RAP1GAP2: variants seen among roughly 807,000 people sequenced by gnomAD.
RAP1GAP2 encodes the protein rap1 GTPase-activating protein 2.
A neutral mutation model predicts 95.0 loss-of-function variants in RAP1GAP2; 27 were observed. That is an observed-to-expected ratio of 0.28 (90% confidence interval 0.21 to 0.39). The LOEUF (loss-of-function observed/expected upper bound fraction) is 0.39, where lower values mean the gene tolerates loss of function less well. Among genes scored for constraint, RAP1GAP2 ranks in the 10% least tolerant of loss-of-function variants. The probability of loss-of-function intolerance (pLI) is 1.00; values close to 1 mark genes in which losing one functional copy is unlikely to be tolerated. For synonymous variants in RAP1GAP2, 373 were observed against 380.9 expected, an observed-to-expected ratio of 0.98 and a Z score of 0.24; for missense variants, 771 against 970.0, an observed-to-expected ratio of 0.79 and a Z score of 2.72.
chr17:2,820,657 G>T (rs978397443), intron 2 of RAP1GAP2, among the ~76,000 whole-genome samples: 1 of 149,998 alleles, frequency 6.7e-6, no homozygotes, highest in Non-Finnish European at 1.5e-5. Flanking sequence ...TATTTTCACT[G>T]CTCCCAATTC....
chr17:2,839,688 C>T (rs1431771204), intron 2 of RAP1GAP2, among the ~76,000 whole-genome samples: 2 of 152,132 alleles, frequency 1.3e-5, no homozygotes, highest in Admixed American at 6.6e-5. Flanking sequence ...AGCTTTGAGG[C>T]GTGCTTGTCA....
intron 1 of RAP1GAP2, among the ~76,000 whole-genome samples, chr17:2,780,102 G>A (rs902646952): frequency 2.6e-5 from 4 of 152,178 alleles, no homozygotes; most frequent in Admixed American, 6.5e-5. Context: ...CCAGGCTGGA[G>A]TGCAGTGGCG....
At chr17:2,860,924 A>G (rs2072358305) in intron 2 of RAP1GAP2, among the ~76,000 whole-genome samples, 1 of 152,014 alleles carries the variant, frequency 6.6e-6, no homozygotes, top group South Asian at 2.1e-4. Flanking sequence ...GTTATACTTT[A>G]AATGAAATCC....
chr17:2,862,068 G>C (rs2072419541), intron 2 of RAP1GAP2, among the ~76,000 whole-genome samples: 1 of 152,136 alleles, frequency 6.6e-6, no homozygotes, highest in Admixed American at 6.6e-5. Context: ...AATTGCAAAT[G>C]ATCACTTGCC....
In RAP1GAP2 at chr17:2,965,542, T is replaced by C; in HGVS notation, c.495T>C (p.Asp165=). 6.2e-7 allele frequency: 1 copy of C among 1,609,114 alleles called. No individual in the cohort carries two copies. The highest frequency in any genetic ancestry group is 8.5e-7 in the Non-Finnish European group (1 of 1,177,660). ...TCACACTCAGTTTCTTTTTTTAGGA[T>C]CATCTAAACTTTTACTGTACCGGCA... The part of the protein sequence containing the change: ...RAYRRHFLGK[D]HLNFYCTGSS... Residue 165 remains aspartate, a splice_region_variant and synonymous_variant, in exon 8 of 25, where the codon GAT becomes GAC. Transcript: ENST00000254695. The surrounding 1 kb of genome is among the most constrained non-coding windows in gnomAD (Gnocchi z 4.7).
chr17:2,968,778 A>C (rs926045514), intron 8 of RAP1GAP2, among the ~76,000 whole-genome samples: 2 of 152,184 alleles, frequency 1.3e-5, no homozygotes, highest in Non-Finnish European at 2.9e-5. Flanking sequence ...AAACCTACAC[A>C]AATTGATCTA....
rs1051021795 is a variant in RAP1GAP2, at chr17:2,906,082, T to C, written c.165+714T>C. Among the ~76,000 whole-genome samples, 5 of 152,062 alleles carry C rather than the reference T, an allele frequency of 3.3e-5. No individual in the cohort carries two copies. The highest frequency in any genetic ancestry group is 1.2e-4 in the African/African-American group (5 of 41,422). ...TTTCTGCATAGGCTGGCATGCACGC[T>C]CTCCCTCCCTCCCTCCCTGCCTCCC... On this transcript the variant is annotated intron_variant, in intron 3 of 24. Coordinates refer to ENST00000254695, the MANE Select transcript of RAP1GAP2 (RefSeq NM_015085.5). This position sits in a 1 kb window ranked among gnomAD's most constrained non-coding sequence, Gnocchi z 4.3.
chr17:2,989,173 C>T (rs748994355), intron 11 of RAP1GAP2, among the ~76,000 whole-genome samples: 4 of 152,086 alleles, frequency 2.6e-5, no homozygotes, highest in Non-Finnish European at 5.9e-5. Context: ...TATAACCTGC[C>T]AGCATTTGGT....
chr17:3,031,899 C>T (rs541622959), intron 23 of RAP1GAP2, among the ~76,000 whole-genome samples: 26 of 147,952 alleles, frequency 1.8e-4, no homozygotes, highest in African/African-American at 5.0e-4. Flanking sequence ...TCCTGGGTCC[C>T]GAATCCCTTC....
intron 1 of RAP1GAP2, among the ~76,000 whole-genome samples, chr17:2,785,350 C>T (rs1470652003): frequency 6.6e-6 from 1 of 151,892 alleles, no homozygotes; most frequent in Admixed American, 6.6e-5. Context: ...GCCCTCCTGC[C>T]CCCACCTTGC....
At chr17:2,980,225 G>A (rs1183590469) in intron 8 of RAP1GAP2, 62 bp from the exon 9 acceptor site, 17 of 1,535,640 alleles carry the variant, frequency 1.1e-5, no homozygotes, top group Admixed American at 8.6e-5. Context: ...TGACAGGCAC[G>A]AGTCCCCGCG....
chr17:2,815,152 CTG>C (rs2069951032), intron 2 of RAP1GAP2, among the ~76,000 whole-genome samples: 2 of 152,146 alleles, frequency 1.3e-5, no homozygotes, highest in African/African-American at 4.8e-5. Context: ...CCCAGGAAAC[CTG>C]TGTGTTACCA....
chr17:2,800,329 C>CTCTCCCAGCTCT, intron 1 of RAP1GAP2, 186 bp from the exon 2 acceptor site: 1 of 790,058 alleles, frequency 1.3e-6, no homozygotes, highest in Non-Finnish European at 1.5e-6. Context: ...TGGTGTGTGG[C>CTCTCCCAGCTCT]CCCAGCTCTC....
chr17:2,791,078 G>A (rs2068912421), intron 1 of RAP1GAP2, among the ~76,000 whole-genome samples: 1 of 152,248 alleles, frequency 6.6e-6, no homozygotes, highest in Non-Finnish European at 1.5e-5. Context: ...GGTGGCAGGT[G>A]CCTGTAATCC....
At chr17:2,769,279 G>A (rs1470712192) in intron 1 of RAP1GAP2, among the ~76,000 whole-genome samples, 1 of 131,352 alleles carries the variant, frequency 7.6e-6, no homozygotes, top group East Asian at 2.3e-4. Flanking sequence ...AAAAGGTCTG[G>A]GTGCGGTGGC....
At chr17:2,983,461 CAA>C (rs1597795211) in intron 10 of RAP1GAP2, among the ~76,000 whole-genome samples, 1 of 152,140 alleles carries the variant, frequency 6.6e-6, no homozygotes, top group South Asian at 2.1e-4. Context: ...AAAACAGAAA[CAA>C]AGATATTGCG....
intron 12 of RAP1GAP2, among the ~76,000 whole-genome samples, chr17:2,991,730 A>C (rs2045759893): frequency 6.6e-6 from 1 of 152,102 alleles, no homozygotes; most frequent in Non-Finnish European, 1.5e-5. Flanking sequence ...AGCCCCGTGC[A>C]GTTTTGGGGG....
Position 3,037,374 on chromosome 17 carries a change from C to A in RAP1GAP2, c.*4013C>A, listed in dbSNP as rs571497513. 3 of 80,678 alleles carry A rather than the reference C, an allele frequency of 3.7e-5. No homozygotes were observed. The highest frequency in any genetic ancestry group is 9.4e-5 in the African/African-American group (3 of 32,084). The allele number at this position is 80,678 out of a possible 1,614,324, so 5.0% of individuals were successfully genotyped here. ...TTGGAAGTGTGAACTACCCCCCCCC[C>A]CCCGCTTCCTGCTCCTTAGCATGCG... On this transcript the variant is annotated 3_prime_UTR_variant, in exon 25 of 25. Coordinates refer to ENST00000254695, the MANE Select transcript of RAP1GAP2 (RefSeq NM_015085.5).
Position 2,975,843 on chromosome 17 carries a change from C to A in RAP1GAP2, c.597-4444C>A, listed in dbSNP as rs191865137. 1.7e-4 allele frequency among the ~76,000 whole-genome samples: 26 copies of A among 152,354 alleles called. No homozygotes were observed. In the East Asian group the frequency reaches 1.9e-3, roughly 11 times the overall value. ...CTTCACACTAAGCCGTGTGCTCCCA[C>A]GTGGTGGAGTGATTTTGACTCCGAA... is the stretch of plus-strand genomic sequence containing the variant. On this transcript the variant is annotated intron_variant, in intron 8 of 24. Transcript: ENST00000254695.
Sources: gnomAD v4.1 joint callset for allele counts (sites outside exome capture counted in the v4.1 genomes callset) on GRCh38, gnomAD v4.1.1 for gene constraint, Gnocchi (gnomAD v3.1) non-coding constraint, MANE v1.5 for transcripts, NCBI Gene and HGNC (gene_info 2026-07-23, HGNC 2026-07-21) for gene names.